The following LINGO2 variants were observed in gnomAD, a reference collection of about 807,000 sequenced individuals.
LINGO2 encodes leucine rich repeat and Ig domain containing 2.
In LINGO2, 14 loss-of-function variants were observed where a neutral mutation model predicts 30.6. That is an observed-to-expected ratio of 0.46 (90% confidence interval 0.30 to 0.72). The LOEUF is 0.72. Among genes scored for constraint, LINGO2 ranks in the 30% least tolerant of loss-of-function variants. The pLI is 0.07. For missense variants in LINGO2, 729 were observed against 751.7 expected, an observed-to-expected ratio of 0.97 and a Z score of 0.35; for synonymous variants, 317 against 288.5, an observed-to-expected ratio of 1.10 and a Z score of -1.00.
At chr9:29,158,693 C>T in the LINGO2 span, among the ~76,000 whole-genome samples, 3 of 152,070 alleles carry the variant, frequency 2.0e-5, no homozygotes, top group African/African-American at 7.2e-5. Flanking sequence ...TTTTCCCACT[C>T]AGCCTTTATT....
At chr9:28,609,998 A>T (rs1825850586) in intron 1 of LINGO2, among the ~76,000 whole-genome samples, 1 of 152,122 alleles carries the variant, frequency 6.6e-6, no homozygotes, top group Admixed American at 6.5e-5. Context: ...AGAATAACAT[A>T]TTATTTTTAT....
At chr9:28,892,721 T>C in the LINGO2 span, among the ~76,000 whole-genome samples, 5,744 of 152,126 alleles carry the variant, frequency 0.038, 349 homozygotes, top group African/African-American at 0.13. Flanking sequence ...TTTTGTCAGA[T>C]ACTCAAGTTT....
At chr9:28,786,858 G>T in the LINGO2 span, among the ~76,000 whole-genome samples, 2 of 152,184 alleles carry the variant, frequency 1.3e-5, no homozygotes, top group Admixed American at 1.3e-4. Context: ...GATTTTTGAC[G>T]GGTAAGCAGG....
chr9:28,932,593 T>C, the LINGO2 span, among the ~76,000 whole-genome samples: 1 of 152,122 alleles, frequency 6.6e-6, no homozygotes, highest in Non-Finnish European at 1.5e-5. Context: ...ACTTCGTGAG[T>C]TCTAAAACGG....
At chr9:28,320,138 A>G (rs1014484432) in intron 3 of LINGO2, among the ~76,000 whole-genome samples, 3 of 152,120 alleles carry the variant, frequency 2.0e-5, no homozygotes, top group Non-Finnish European at 2.9e-5. Flanking sequence ...CCAGTTTTGC[A>G]TTGGAAACAT....
At position 28,531,180 on chromosome 9, in the gene LINGO2, T is replaced by C. The variant is rs75621077; in HGVS notation, c.-364-55155A>G. On this transcript the variant is annotated intron_variant, in intron 1 of 5. Transcript: ENST00000379992. ...ATTATTTCCAAGTAAACATTTCTTA[T>C]GCTTTCTTCATAAAATCCAAAATGA... 9.6e-3 allele frequency among the ~76,000 whole-genome samples: 1,453 copies of C among 152,062 alleles called. 35 individuals are homozygous for C. Among genetic ancestry groups the C allele is most frequent in the East Asian group, 0.087 (451 of 5,172 alleles).
rs757752229 is a variant in LINGO2, at chr9:28,240,472, AC to A, written c.-87+54735del. On this transcript the variant is annotated intron_variant, in intron 4 of 5. Coordinates refer to ENST00000379992, the Ensembl canonical transcript of LINGO2. Reference sequence around the variant, plus strand: ...ATAGACCAATGGAACAGAGTAGAGAACCCAGAAATAAATCCACACACCTGCA... The same window carrying A: ...ATAGACCAATGGAACAGAGTAGAGAACCAGAAATAAATCCACACACCTGCA... Among the ~76,000 whole-genome samples the A allele has an allele frequency of 4.5e-4, 69 of 152,254 alleles. 1 individual carries two copies. In the Middle Eastern group the frequency reaches 0.031, roughly 68 times the overall value.
intron 5 of LINGO2, among the ~76,000 whole-genome samples, chr9:28,005,071 T>C (rs148513968): frequency 6.6e-6 from 1 of 152,194 alleles, no homozygotes; most frequent in Non-Finnish European, 1.5e-5. Flanking sequence ...CATCTGAAAG[T>C]GGCAGGATAC....
intron 4 of LINGO2, among the ~76,000 whole-genome samples, chr9:28,250,975 T>C (rs1587326551): frequency 1.1e-5 from 1 of 94,742 alleles, no homozygotes; most frequent in African/African-American, 3.2e-5. Flanking sequence ...ATAGGCTAAG[T>C]TGGGGAACCT....
intron 4 of LINGO2, among the ~76,000 whole-genome samples, chr9:28,150,514 G>A (rs1827968761): frequency 1.3e-5 from 2 of 152,172 alleles, no homozygotes; most frequent in Non-Finnish European, 2.9e-5. Context: ...AACCCGGGAG[G>A]TGGAGGTTGC....
chr9:28,182,717 G>T (rs1359614509), intron 4 of LINGO2, among the ~76,000 whole-genome samples: 1 of 152,104 alleles, frequency 6.6e-6, no homozygotes, highest in Non-Finnish European at 1.5e-5. Context: ...GCTCAACATT[G>T]CTGGTCATTA....
Position 28,365,840 on chromosome 9 carries a change from T to C in LINGO2, c.-246+6996A>G, listed in dbSNP as rs190893065. ...GGAAATGAATCCACTTTGAGACTAC[T>C]CTGGAGGCCTTAGAGGCAGAGGCAG... is the stretch of plus-strand genomic sequence containing the variant. On this transcript the variant is annotated intron_variant, in intron 3 of 5. Transcript: ENST00000379992. Among the ~76,000 whole-genome samples the C allele has an allele frequency of 1.1e-4, 17 of 150,546 alleles. No individual in the cohort carries two copies. The East Asian group carries it at 3.2e-3, about 28-fold the overall frequency.
At chr9:28,038,584 T>A (rs1824053185) in intron 4 of LINGO2, among the ~76,000 whole-genome samples, 1 of 151,862 alleles carries the variant, frequency 6.6e-6, no homozygotes, top group African/African-American at 2.4e-5. Context: ...TCCCAGCTAC[T>A]TGGGAGGCTG....
chr9:28,993,704 G>A, the LINGO2 span, among the ~76,000 whole-genome samples: 1 of 150,442 alleles, frequency 6.6e-6, no homozygotes, highest in African/African-American at 2.4e-5. Context: ...ACGCAAGGCT[G>A]GTTCAATATA....
At chr9:27,939,789 T>G in the LINGO2 span, 1 of 152,210 alleles carries the variant, frequency 6.6e-6, no homozygotes, top group African/African-American at 2.4e-5. Flanking sequence ...CTAGCATACT[T>G]GATCTCTTGT....
chr9:28,994,264 C>T, the LINGO2 span, among the ~76,000 whole-genome samples: 2 of 152,134 alleles, frequency 1.3e-5, no homozygotes, highest in African/African-American at 4.8e-5. Flanking sequence ...AACTCCCATT[C>T]ACAATTGCTT....
At chr9:27,996,390 C>A (rs1323631690) in intron 5 of LINGO2, among the ~76,000 whole-genome samples, 1 of 152,062 alleles carries the variant, frequency 6.6e-6, no homozygotes, top group Admixed American at 6.6e-5. Context: ...ATCTAAATGT[C>A]CATCAATGGA....
At chr9:28,410,180 G>T (rs1272393395) in intron 2 of LINGO2, among the ~76,000 whole-genome samples, 5 of 151,304 alleles carry the variant, frequency 3.3e-5, no homozygotes, top group Admixed American at 6.6e-5. Flanking sequence ...AAAGAGGAAA[G>T]GAAAGGGAAA....
the LINGO2 span, among the ~76,000 whole-genome samples, chr9:28,934,416 C>A: frequency 6.6e-6 from 1 of 152,144 alleles, no homozygotes; most frequent in Admixed American, 6.6e-5. Context: ...TTTTATGAAT[C>A]TCCTTTAATT....
Sources: gnomAD v4.1 joint callset for allele counts (sites outside exome capture counted in the v4.1 genomes callset) on GRCh38, gnomAD v4.1.1 for gene constraint, MANE v1.5 for transcripts, NCBI Gene and HGNC (gene_info 2026-07-23, HGNC 2026-07-21) for gene names.